Variants in AK7 observed in about 807,000 individuals in gnomAD.
AK7 encodes adenylate kinase 7.
In AK7, 78 loss-of-function variants were observed where a neutral mutation model predicts 96.6. The ratio of observed to expected loss-of-function variants is 0.81; its 90% CI spans 0.67 to 0.97. The LOEUF (loss-of-function observed/expected upper bound fraction) is 0.97. Among genes scored for constraint, AK7 ranks in the 50% least tolerant of loss-of-function variants. The pLI is 0.00. For synonymous variants in AK7, 302 were observed against 317.2 expected (o/e 0.95, Z 0.51); for missense variants, 855 against 887.9 (o/e 0.96, Z 0.47).
chr14:96,407,219 T>G (rs1198906558), intron 3 of AK7, among the ~76,000 whole-genome samples: 1 of 152,146 alleles, frequency 6.6e-6, no homozygotes, highest in Non-Finnish European at 1.5e-5. Context: ...GACCTCAAAG[T>G]GTGCCAAGTA....
intron 5 of AK7, among the ~76,000 whole-genome samples, chr14:96,423,279 T>C (rs141235983): frequency 6.2e-4 from 95 of 152,332 alleles, no homozygotes; most frequent in African/African-American, 2.0e-3. Flanking sequence ...ACTGCTACAG[T>C]TCTGGTCTCA....
rs111459931 is a variant in AK7 at position 96,469,975 on chromosome 14, G to A, written c.1358-1503G>A. On this transcript the variant is annotated intron_variant, in intron 12 of 17. Transcript: ENST00000267584. The stretch of plus-strand genomic sequence containing the variant: ...TGGGATTACAGGCATGTGCCACCAC[G>A]CCCGGCTAATTTTGTATTTTTAGTA... Among the ~76,000 whole-genome samples, 146 of 152,082 alleles carry A rather than the reference G, an allele frequency of 9.6e-4. 1 individual carries two copies. The highest frequency in any genetic ancestry group is 3.3e-3 in the African/African-American group (136 of 41,486).
Position 96,451,465 on chromosome 14 carries a change from G to C in AK7, c.993G>C (p.Ala331=). The C allele has an allele frequency of 6.3e-7, 1 of 1,596,360 alleles. No homozygotes were observed. Among genetic ancestry groups the C allele is most frequent in the African/African-American group, 1.3e-5 (1 of 74,504 alleles). ...DHLLVNLRME[A]LFVKENFNIR... is the part of the protein sequence containing the mutation. ...TACTGGTCAACTTAAGAATGGAAGC[G>C]CTCTTTGTGAAGGAGAATTTTAATA... The change falls in exon 10 of 18, where the codon GCG becomes GCC. Residue 331 remains alanine, a synonymous_variant. Transcript: ENST00000267584.
chr14:96,489,148 A>G lies in AK7; in HGVS notation c.*805A>G, dbSNP rs1895934663. 1 of 152,250 alleles carries G rather than the reference A, an allele frequency of 6.6e-6. No individual in the cohort carries two copies. The highest frequency in any genetic ancestry group is 6.5e-5 in the Admixed American group (1 of 15,280). The allele number at this position is 152,250 out of a possible 1,614,324, so 9.4% of individuals were successfully genotyped here. On this transcript the variant is annotated 3_prime_UTR_variant, in exon 18 of 18. Coordinates refer to ENST00000267584, the MANE Select transcript of AK7 (RefSeq NM_152327.5). ...ATCTCTTTAAATAATGTAACCTAATATAACTGCCCGACTTTTTATTTGTGC... is the reference window on the plus strand; with the variant it reads ...ATCTCTTTAAATAATGTAACCTAATGTAACTGCCCGACTTTTTATTTGTGC...
intron 13 of AK7, among the ~76,000 whole-genome samples, chr14:96,472,223 A>G (rs1323228234): frequency 2.0e-5 from 3 of 152,142 alleles, no homozygotes; most frequent in East Asian, 3.8e-4. Flanking sequence ...AGTGATATAT[A>G]CAATCATAGT....
At position 96,472,730 on chromosome 14, in the gene AK7, T is replaced by C; in HGVS notation, c.1530T>C (p.Phe510=). 6.2e-7 allele frequency: 1 copy of C among 1,612,928 alleles called. No homozygotes were observed. Among genetic ancestry groups the C allele is most frequent in the Admixed American group, 1.7e-5 (1 of 60,002 alleles). ...AAGATGATGTCAGAGGCAGAATGTT[T>C]CCCTTTGATAAATTAATTATACCTG... is the stretch of plus-strand genomic sequence containing the variant. ...EEEDDVRGRM[F]PFDKLIIPEF... The change falls in exon 14 of 18, where the codon TTT becomes TTC. Residue 510 remains phenylalanine (F), a synonymous_variant. Coordinates refer to ENST00000267584, the MANE Select transcript of AK7 (RefSeq NM_152327.5).
At chr14:96,423,183 G>A (rs752738897) in intron 5 of AK7, among the ~76,000 whole-genome samples, 3 of 152,152 alleles carry the variant, frequency 2.0e-5, no homozygotes, top group South Asian at 2.1e-4. Flanking sequence ...AGATACTGAC[G>A]CCTATTAAGG....
chr14:96,453,305 A>G (rs961841090), intron 10 of AK7, among the ~76,000 whole-genome samples: 2 of 152,214 alleles, frequency 1.3e-5, no homozygotes, highest in African/African-American at 4.8e-5. Flanking sequence ...CACAGAGTAG[A>G]AATATGACAA....
At chr14:96,418,338 G>C (rs200159787) in intron 4 of AK7, among the ~76,000 whole-genome samples, 1 of 25,628 alleles carries the variant, frequency 3.9e-5, no homozygotes, top group Admixed American at 3.7e-4. Context: ...AAAAAAAAAA[G>C]GCTTCAAATC....
At chr14:96,444,186 G>A (rs1037978641) in intron 7 of AK7, among the ~76,000 whole-genome samples, 3 of 152,086 alleles carry the variant, frequency 2.0e-5, no homozygotes, top group East Asian at 1.9e-4. Flanking sequence ...TGCTGTAAAT[G>A]GGCTAAGCTT....
intron 16 of AK7, among the ~76,000 whole-genome samples, chr14:96,483,619 A>C (rs1043835616): frequency 6.6e-6 from 1 of 151,836 alleles, no homozygotes; most frequent in Non-Finnish European, 1.5e-5. Flanking sequence ...ATGGGGTTTC[A>C]CCATGTTGGC....
chr14:96,480,680 A>G (rs1895458789), intron 15 of AK7, among the ~76,000 whole-genome samples: 1 of 152,166 alleles, frequency 6.6e-6, no homozygotes, highest in South Asian at 2.1e-4. Context: ...TTAGGTCCCA[A>G]AAACTGTTTA....
intron 12 of AK7, among the ~76,000 whole-genome samples, chr14:96,469,691 G>T (rs989850573): frequency 6.6e-6 from 1 of 152,132 alleles, no homozygotes; most frequent in Non-Finnish European, 1.5e-5. Flanking sequence ...TAATACTTAA[G>T]ATCTTTTTTT....
intron 5 of AK7, among the ~76,000 whole-genome samples, chr14:96,433,613 G>T (rs980814033): frequency 1.3e-5 from 2 of 152,174 alleles, no homozygotes; most frequent in South Asian, 4.2e-4. Flanking sequence ...CGATGTGTTC[G>T]AACATCCTCC....
At position 96,456,443 on chromosome 14, in the gene AK7, A is replaced by G. The variant is rs1893914664; in HGVS notation, c.1195A>G (p.Lys399Glu). 6.2e-7 allele frequency: 1 copy of G among 1,613,610 alleles called. No homozygotes were observed. Among genetic ancestry groups the G allele is most frequent in the Admixed American group, 1.7e-5 (1 of 59,958 alleles). ...NYYKLHHIQLKDVISEAIAKL... is the reference protein window; with the variant it reads ...NYYKLHHIQLEDVISEAIAKL... ...CTACAAACTGCATCACATCCAACTG[A>G]AGGATGTCATTTCTGAAGCCATAGC... The change falls in exon 11 of 18, where the codon AAG becomes GAG. Residue 399 changes from lysine to glutamate, a missense_variant. Coordinates refer to ENST00000267584, the MANE Select transcript of AK7 (RefSeq NM_152327.5).
At chr14:96,458,912 C>CAAAAAAA (rs780061684) in intron 12 of AK7, among the ~76,000 whole-genome samples, 1 of 23,516 alleles carries the variant, frequency 4.3e-5, no homozygotes, top group African/African-American at 1.0e-4. Flanking sequence ...CCTGTCTCAA[C>CAAAAAAA]AAAAAAAAAA....
chr14:96,472,486 C>G (rs919184216), intron 13 of AK7, among the ~76,000 whole-genome samples: 2 of 152,128 alleles, frequency 1.3e-5, no homozygotes, highest in Non-Finnish European at 2.9e-5. Flanking sequence ...GAATAGTATT[C>G]TGTTGGATGT....
At chr14:96,442,429 T>C (rs968348631) in intron 6 of AK7, among the ~76,000 whole-genome samples, 3 of 152,330 alleles carry the variant, frequency 2.0e-5, no homozygotes, top group Non-Finnish European at 4.4e-5. Context: ...GTAGATTTCT[T>C]GAAAAGTATT....
intron 4 of AK7, among the ~76,000 whole-genome samples, chr14:96,411,063 T>G (rs1183840105): frequency 2.0e-5 from 3 of 152,176 alleles, no homozygotes; most frequent in Non-Finnish European, 4.4e-5. Flanking sequence ...GTCCTGAGTT[T>G]CAACAACTGC....
Sources: gnomAD v4.1 joint callset for allele counts (sites outside exome capture counted in the v4.1 genomes callset) on GRCh38, gnomAD v4.1.1 for gene constraint, MANE v1.5 for transcripts, NCBI Gene and HGNC (gene_info 2026-07-23, HGNC 2026-07-21) for gene names.